The following RAB3IP variants were observed in gnomAD, a reference collection of about 807,000 sequenced individuals.
RAB3IP encodes RAB3A interacting protein, also known as rab-3A-interacting protein.
A neutral mutation model predicts 59.1 loss-of-function variants in RAB3IP; 36 were observed. The observed-to-expected ratio is 0.61, with a 90% CI of 0.47 to 0.80. RAB3IP has a LOEUF of 0.80. Ranked by LOEUF, RAB3IP falls within the 30% of genes least tolerant of loss-of-function variation. The pLI is 0.00. For synonymous variants in RAB3IP, 207 were observed against 191.2 expected (o/e 1.08, Z -0.68); for missense variants, 511 against 536.0 (o/e 0.95, Z 0.46).
intron 6 of RAB3IP, chr12:69,795,954 AC>A (rs1406999773): frequency 6.5e-6 from 1 of 152,716 alleles, no homozygotes; most frequent in Non-Finnish European, 1.5e-5. Context: ...TCAGACACTT[AC>A]AACTATGTAA....
rs555131951 is a variant in RAB3IP at position 69,738,999 on chromosome 12, G to C, written c.-58G>C. 1 of 152,136 alleles carries C rather than the reference G, an allele frequency of 6.6e-6. No homozygotes were observed. The highest frequency in any genetic ancestry group is 6.5e-5 in the Admixed American group (1 of 15,268). 9.4% of individuals were successfully genotyped at this position (152,136 alleles called of 1,614,324 possible). On this transcript the variant is annotated 5_prime_UTR_variant, in exon 1 of 11. Transcript: ENST00000247833. The stretch of plus-strand genomic sequence containing the variant: ...TCTCTGCGGCTCTGTGAGCGCCCCT[G>C]AGCGCCGGCAGCGGCCGCGGTGGGT...
At position 69,746,977 on chromosome 12, in the gene RAB3IP, A is replaced by G. The variant is rs983148348; in HGVS notation, c.-26+7946A>G. 2.6e-5 allele frequency among the ~76,000 whole-genome samples: 4 copies of G among 152,182 alleles called. No individual in the cohort carries two copies. The East Asian group carries it at 7.7e-4, about 29-fold the overall frequency. On this transcript the variant is annotated intron_variant, in intron 1 of 10. Coordinates refer to ENST00000247833, the MANE Select transcript of RAB3IP (RefSeq NM_022456.5). ...CTTTTGACATGTCTTGGAATATTTA[A>G]TTTCTATTATTGTGATAATACAAGT...
chr12:69,742,188 T>G (rs568193924), intron 1 of RAB3IP, among the ~76,000 whole-genome samples: 2 of 152,316 alleles, frequency 1.3e-5, no homozygotes, highest in South Asian at 2.1e-4. Context: ...TATTTGTGCA[T>G]TGAGGTAATG....
chr12:69,813,165 C>T, intron 10 of RAB3IP, 132 bp downstream of exon 10: 1 of 612,378 alleles, frequency 1.6e-6, no homozygotes, highest in Non-Finnish European at 2.8e-6. Flanking sequence ...ATATTGAATC[C>T]CTTCTATAGT....
Position 69,820,174 on chromosome 12 carries a change from A to G in RAB3IP, c.*4728A>G, listed in dbSNP as rs1881551167. The G allele has an allele frequency of 6.6e-6, 1 of 152,200 alleles. No individual in the cohort carries two copies. The highest frequency in any genetic ancestry group is 6.5e-5 in the Admixed American group (1 of 15,290). 9.4% of individuals were successfully genotyped at this position (152,200 alleles called of 1,614,324 possible). On this transcript the variant is annotated 3_prime_UTR_variant, in exon 11 of 11. Coordinates refer to ENST00000247833, the MANE Select transcript of RAB3IP (RefSeq NM_022456.5). ...ACTGCTTAAAAGAGTCCAATGCAGT[A>G]TGAATTTGTATTTGTGTTTAACTTT...
At chr12:69,802,807 T>A (rs1878600848) in intron 8 of RAB3IP, among the ~76,000 whole-genome samples, 1 of 152,200 alleles carries the variant, frequency 6.6e-6, no homozygotes, top group Non-Finnish European at 1.5e-5. Context: ...TTACAGAATG[T>A]TGTTGTTTAG....
chr12:69,765,356 G>T (rs1872020907), intron 3 of RAB3IP, among the ~76,000 whole-genome samples: 2 of 152,182 alleles, frequency 1.3e-5, no homozygotes, highest in South Asian at 4.1e-4. Context: ...AAAGGATGTT[G>T]GATCTTATTG....
intron 4 of RAB3IP, among the ~76,000 whole-genome samples, chr12:69,785,282 C>T (rs560888380): frequency 1.1e-4 from 17 of 152,306 alleles, no homozygotes; most frequent in African/African-American, 1.7e-4. Context: ...AGTGTTTCTC[C>T]ATAGGGGTGC....
intron 3 of RAB3IP, among the ~76,000 whole-genome samples, chr12:69,767,313 A>G (rs940375328): frequency 1.3e-5 from 2 of 152,226 alleles, no homozygotes; most frequent in East Asian, 1.9e-4. Flanking sequence ...TCAGTAGGCC[A>G]TGCTTATTGA....
chr12:69,740,607 G>A (rs558310100), intron 1 of RAB3IP, among the ~76,000 whole-genome samples: 1 of 152,256 alleles, frequency 6.6e-6, no homozygotes, highest in Non-Finnish European at 1.5e-5. Context: ...TCACCAGGAT[G>A]GCCATTTAAT....
At chr12:69,764,642 T>C (rs953361596) in intron 3 of RAB3IP, among the ~76,000 whole-genome samples, 3 of 152,210 alleles carry the variant, frequency 2.0e-5, no homozygotes, top group African/African-American at 7.2e-5. Context: ...TGGTTCCATA[T>C]GAGTTTTTAA....
At chr12:69,804,400 T>C (rs1878901864) in intron 8 of RAB3IP, among the ~76,000 whole-genome samples, 1 of 152,232 alleles carries the variant, frequency 6.6e-6, no homozygotes, top group Admixed American at 6.5e-5. Context: ...TACTAGCCCT[T>C]TGTCAGATGA....
At position 69,821,466 on chromosome 12, in the gene RAB3IP, T is replaced by G. The variant is rs951507475; in HGVS notation, c.*6020T>G. The G allele has an allele frequency of 3.3e-5, 5 of 152,324 alleles. No homozygotes were observed. Among genetic ancestry groups the G allele is most frequent in the Admixed American group, 2.6e-4 (4 of 15,308 alleles). The allele number at this position is 152,324 out of a possible 1,614,324, so 9.4% of individuals were successfully genotyped here. ...GCTCTCAGTGGAGTGCTCTGGATTC[T>G]GATTAATAGAGATTTTCTAGTCCTC... On this transcript the variant is annotated 3_prime_UTR_variant, in exon 11 of 11. Coordinates refer to ENST00000247833, the MANE Select transcript of RAB3IP (RefSeq NM_022456.5).
At chr12:69,744,805 G>C (rs1435958142) in intron 1 of RAB3IP, among the ~76,000 whole-genome samples, 1 of 151,910 alleles carries the variant, frequency 6.6e-6, no homozygotes, top group Non-Finnish European at 1.5e-5. Context: ...TTTTGCCCTT[G>C]GGCTATTAAT....
chr12:69,771,095 A>G (rs538612931), intron 3 of RAB3IP, among the ~76,000 whole-genome samples: 32 of 152,324 alleles, frequency 2.1e-4, no homozygotes, highest in African/African-American at 7.7e-4. Context: ...CATATGAGTG[A>G]GATCATGCAA....
At chr12:69,792,358 A>G (rs1264371215) in intron 4 of RAB3IP, among the ~76,000 whole-genome samples, 1 of 152,186 alleles carries the variant, frequency 6.6e-6, no homozygotes, top group Non-Finnish European at 1.5e-5. Context: ...ACAAAATGAT[A>G]TGTATATTTC....
chr12:69,739,529 T>G, intron 1 of RAB3IP: 1 of 420,882 alleles, frequency 2.4e-6, no homozygotes, highest in South Asian at 2.7e-5. Flanking sequence ...GCTGTGGACC[T>G]GGGGTGGTTT....
intron 3 of RAB3IP, among the ~76,000 whole-genome samples, chr12:69,762,463 T>C (rs1289099852): frequency 6.6e-6 from 1 of 152,186 alleles, no homozygotes; most frequent in Non-Finnish European, 1.5e-5. Context: ...TTTATTTTTC[T>C]TAAAAGAAAA....
intron 8 of RAB3IP, among the ~76,000 whole-genome samples, chr12:69,807,787 AGAT>A (rs1565928754): frequency 7.0e-6 from 1 of 141,982 alleles, no homozygotes; most frequent in Non-Finnish European, 1.5e-5. Context: ...CTCACCTCCC[AGAT>A]GATGGGCAGC....
Sources: gnomAD v4.1 joint callset for allele counts (sites outside exome capture counted in the v4.1 genomes callset) on GRCh38, gnomAD v4.1.1 for gene constraint, MANE v1.5 for transcripts, NCBI Gene and HGNC (gene_info 2026-07-23, HGNC 2026-07-21) for gene names.